XIRP2: variants seen among roughly 807,000 people sequenced by gnomAD.
The protein encoded by XIRP2 is xin actin-binding repeat-containing protein 2.
XIRP2 carries 236 observed loss-of-function variants against 277.0 expected under a neutral mutation model. The ratio of observed to expected loss-of-function variants is 0.85; its 90% confidence interval spans 0.77 to 0.95. XIRP2 has a LOEUF of 0.95. Among genes scored for constraint, XIRP2 ranks in the 40% least tolerant of loss-of-function variants. The pLI is 0.00. For synonymous variants in XIRP2, 1,490 were observed against 1,416.5 expected, an observed-to-expected ratio of 1.05 and a Z score of -1.17; for missense variants, 4,640 against 4,157.5, an observed-to-expected ratio of 1.12 and a Z score of -3.19.
chr2:167,249,086 G>A lies in XIRP2; in HGVS notation c.7694G>A (p.Ser2565Asn), dbSNP rs1447843568. ...KEEIEKQKQE[S>N]SYYNIVKTQS... ...GAAATTGAAAAACAGAAACAGGAGA[G>A]TTCTTACTACAACATTGTTAAAACT... is the stretch of plus-strand genomic sequence containing the variant. The change falls in exon 9 of 11, where the codon AGT becomes AAT. Residue 2565 changes from serine (S) to asparagine (N), a missense_variant. Transcript: ENST00000409195. 3.1e-6 allele frequency: 5 copies of A among 1,613,566 alleles called. No homozygotes were observed. Among genetic ancestry groups the A allele is most frequent in the Non-Finnish European group, 1.7e-6 (2 of 1,179,750 alleles).
chr2:167,096,776 T>C (rs1690330246), intron 2 of XIRP2, among the ~76,000 whole-genome samples: 1 of 152,156 alleles, frequency 6.6e-6, no homozygotes, highest in African/African-American at 2.4e-5. Context: ...AAGAACTCAT[T>C]TGTTTCTGCC....
intron 3 of XIRP2, among the ~76,000 whole-genome samples, chr2:167,170,232 A>G (rs1030605565): frequency 6.6e-6 from 1 of 152,066 alleles, no homozygotes; most frequent in Non-Finnish European, 1.5e-5. Context: ...TTTTGAGTTT[A>G]TGCTCAGGAG....
At chr2:167,032,837 C>G (rs1166608606) in intron 2 of XIRP2, among the ~76,000 whole-genome samples, 1 of 152,150 alleles carries the variant, frequency 6.6e-6, no homozygotes, top group African/African-American at 2.4e-5. Flanking sequence ...TGCTTTTACA[C>G]TGTGGGTTGG....
intron 3 of XIRP2, among the ~76,000 whole-genome samples, chr2:167,201,520 A>C (rs1198777920): frequency 2.6e-5 from 4 of 152,116 alleles, no homozygotes; most frequent in African/African-American, 9.7e-5. Context: ...CCTGCTTTGC[A>C]TTTTCCCTTC....
chr2:167,023,705 A>C (rs1161072491), intron 2 of XIRP2, among the ~76,000 whole-genome samples: 1 of 152,124 alleles, frequency 6.6e-6, no homozygotes, highest in Non-Finnish European at 1.5e-5. Context: ...CCATTTATTA[A>C]ATAGGGAATC....
At chr2:167,093,198 G>A (rs1417079450) in intron 2 of XIRP2, among the ~76,000 whole-genome samples, 1 of 151,456 alleles carries the variant, frequency 6.6e-6, no homozygotes, top group African/African-American at 2.4e-5. Context: ...CATAATTGAG[G>A]TCTATAATAT....
At chr2:167,192,298 C>T (rs2105367773) in intron 3 of XIRP2, among the ~76,000 whole-genome samples, 1 of 152,224 alleles carries the variant, frequency 6.6e-6, no homozygotes, top group South Asian at 2.1e-4. Context: ...AGTAGAGTCA[C>T]ATTTCCCCCC....
intron 3 of XIRP2, among the ~76,000 whole-genome samples, chr2:167,143,431 G>A (rs1348698011): frequency 6.6e-6 from 1 of 152,052 alleles, no homozygotes; most frequent in African/African-American, 2.4e-5. Context: ...TGAGAAGGAG[G>A]GATAGGAGAA....
chr2:167,250,667 T>C lies in XIRP2; in HGVS notation c.9275T>C (p.Val3092Ala). 6.2e-7 allele frequency: 1 copy of C among 1,613,484 alleles called. No individual in the cohort carries two copies. The highest frequency in any genetic ancestry group is 1.7e-4 in the Middle Eastern group (1 of 6,054). The change falls in exon 9 of 11, where the codon GTT becomes GCT. Residue 3092 changes from valine (V) to alanine (A), a missense_variant. Val to Ala is a moderately conservative substitution (Grantham distance 64). Transcript: ENST00000409195. ...HQVAAHHEAT[V>A]RSHVKTHQEI... Reference sequence around the variant, plus strand: ...GTAGCAGCTCATCATGAAGCAACTGTTCGTAGTCACGTGAAAACCCATCAG... The same window carrying C: ...GTAGCAGCTCATCATGAAGCAACTGCTCGTAGTCACGTGAAAACCCATCAG...
chr2:167,129,034 A>G (rs889000142), intron 2 of XIRP2, among the ~76,000 whole-genome samples: 10 of 152,186 alleles, frequency 6.6e-5, no homozygotes, highest in Non-Finnish European at 1.5e-4. Flanking sequence ...TTTTTAATAC[A>G]TAGTGGGAGA....
At chr2:167,134,893 CTG>C (rs1200193719) in intron 2 of XIRP2, among the ~76,000 whole-genome samples, 1 of 152,136 alleles carries the variant, frequency 6.6e-6, no homozygotes, top group African/African-American at 2.4e-5. Flanking sequence ...GACAAACAAA[CTG>C]ATGATTCACG....
At chr2:166,901,592 A>G (rs1175170699) in intron 1 of XIRP2, among the ~76,000 whole-genome samples, 1 of 152,072 alleles carries the variant, frequency 6.6e-6, no homozygotes, top group East Asian at 1.9e-4. Context: ...CTTTCATTAA[A>G]TAACCTCATG....
At chr2:166,964,833 G>A (rs1686388288) in intron 2 of XIRP2, among the ~76,000 whole-genome samples, 1 of 151,664 alleles carries the variant, frequency 6.6e-6, no homozygotes, top group Non-Finnish European at 1.5e-5. Context: ...TCTTCTAGTT[G>A]CCCTTTCTGA....
At chr2:166,911,605 T>C (rs993614148) in intron 2 of XIRP2, among the ~76,000 whole-genome samples, 2 of 152,208 alleles carry the variant, frequency 1.3e-5, no homozygotes, top group African/African-American at 4.8e-5. Flanking sequence ...TTTAGCCCAT[T>C]TCAATTTAAG....
In XIRP2 at chr2:167,254,069, G is replaced by T. The variant is rs1362612344; in HGVS notation, c.10593G>T (p.Leu3531Phe). ...CAAGACAAGGAAATATGTATACTTT[G>T]TCAAAAGACAGTTTATCCAATGGAG... is the stretch of plus-strand genomic sequence containing the variant. ...AAPRQGNMYT[L>F]SKDSLSNGVP... Residue 3531 changes from leucine to phenylalanine, a missense_variant, in exon 10 of 11, where the codon TTG becomes TTT. Physicochemically the swap from Leu to Phe is conservative, Grantham distance 22. Transcript: ENST00000409195. 1 of 1,606,336 alleles carries T rather than the reference G, an allele frequency of 6.2e-7. No homozygotes were observed.
chr2:166,895,760 C>A (rs796094831), intron 1 of XIRP2, among the ~76,000 whole-genome samples: 8 of 152,248 alleles, frequency 5.3e-5, no homozygotes, highest in African/African-American at 1.2e-4. Context: ...GCTGGGAAAG[C>A]CTTCTCATTT....
At chr2:167,068,651 T>A (rs1231691715) in intron 2 of XIRP2, among the ~76,000 whole-genome samples, 2 of 151,936 alleles carry the variant, frequency 1.3e-5, no homozygotes, top group Admixed American at 6.6e-5. Flanking sequence ...ATGTAAAGAA[T>A]GTTTTAGCTT....
chr2:167,137,627 A>G (rs1691592548), intron 3 of XIRP2, among the ~76,000 whole-genome samples: 1 of 152,182 alleles, frequency 6.6e-6, no homozygotes. Context: ...TTATGTTAAA[A>G]GCTTAGAAAA....
chr2:167,081,459 C>T (rs1310641690), intron 2 of XIRP2, among the ~76,000 whole-genome samples: 3 of 152,096 alleles, frequency 2.0e-5, no homozygotes, highest in African/African-American at 7.2e-5. Context: ...CAGAGTAAAA[C>T]TGCCTCTAAA....
Sources: allele counts gnomAD v4.1 joint callset (sites outside exome capture counted in the v4.1 genomes callset), GRCh38; gene constraint gnomAD v4.1.1; transcripts MANE v1.5; gene names NCBI Gene and HGNC (gene_info 2026-07-23, HGNC 2026-07-21).